Variants in TICAM1 observed in about 807,000 individuals in gnomAD.
The protein encoded by TICAM1 is TIR domain containing adaptor molecule 1.
For synonymous variants in TICAM1, 439 were observed against 415.4 expected (o/e 1.06, Z -0.69); for missense variants, 895 against 938.2 (o/e 0.95, Z 0.60).
chr19:4,831,324 G>A (rs937919818), intron 1 of TICAM1, among the ~76,000 whole-genome samples: 1 of 151,680 alleles, frequency 6.6e-6, no homozygotes, highest in African/African-American at 2.4e-5. Flanking sequence ...TGGGGTGTCC[G>A]GGAGGAATCT....
intron 1 of TICAM1, among the ~76,000 whole-genome samples, chr19:4,829,236 A>G (rs2093610318): frequency 6.6e-6 from 1 of 152,216 alleles, no homozygotes; most frequent in Non-Finnish European, 1.5e-5. Context: ...GGAGTTTTGC[A>G]GAAAACACGA....
intron 1 of TICAM1, among the ~76,000 whole-genome samples, chr19:4,819,135 G>C (rs1383105348): frequency 1.3e-5 from 2 of 151,808 alleles, no homozygotes; most frequent in Non-Finnish European, 2.9e-5. Flanking sequence ...GTAGCTGGGC[G>C]TGGTGGCACG....
In TICAM1 at chr19:4,821,192, T is replaced by C. The variant is rs528060669; in HGVS notation, c.-139-2676A>G. On this transcript the variant is annotated intron_variant, in intron 1 of 1. Transcript: ENST00000248244. ...GCCTGGATGACAGAGTGAAACTCCA[T>C]CTCAAAAAAAAAAAAAAGTAATTTT... Among the ~76,000 whole-genome samples the C allele has an allele frequency of 2.5e-4, 37 of 149,436 alleles. 1 individual carries two copies. The South Asian group carries it at 5.5e-3, about 22-fold the overall frequency.
chr19:4,824,159 C>T (rs1376982939), intron 1 of TICAM1, among the ~76,000 whole-genome samples: 1 of 152,030 alleles, frequency 6.6e-6, no homozygotes, highest in African/African-American at 2.4e-5. Flanking sequence ...CAGGCACATG[C>T]CACCACGCCC....
At position 4,816,753 on chromosome 19, in the gene TICAM1, T is replaced by C; in HGVS notation, c.1625A>G (p.Lys542Arg). ...CCGCAGGGCTCGGGTGTCCTGTTCC[T>C]TCCTCCACATGGCCTTTCGGGCCTG... ...RLQARKAMWR[K>R]EQDTRALREQ... The change falls in exon 2 of 2, where the codon AAG becomes AGG. Residue 542 changes from lysine (K) to arginine (R), a missense_variant. Transcript: ENST00000248244. This position sits in a 1 kb window ranked among gnomAD's most constrained non-coding sequence, Gnocchi z 4.3. 1 of 1,613,746 alleles carries C rather than the reference T, an allele frequency of 6.2e-7. No homozygotes were observed. Among genetic ancestry groups the C allele is most frequent in the Non-Finnish European group, 8.5e-7 (1 of 1,180,008 alleles).
chr19:4,822,329 A>G (rs565227234), intron 1 of TICAM1, among the ~76,000 whole-genome samples: 22 of 149,782 alleles, frequency 1.5e-4, no homozygotes, highest in African/African-American at 5.4e-4. Context: ...TGCAACCTCC[A>G]CCTCCCAGGT....
intron 1 of TICAM1, among the ~76,000 whole-genome samples, chr19:4,825,505 G>A (rs559415855): frequency 4.3e-4 from 65 of 151,432 alleles, no homozygotes; most frequent in South Asian, 1.9e-3. Flanking sequence ...ACAGGCGTGA[G>A]CCACCGCGGC....
chr19:4,830,674 C>A (rs1265475532), intron 1 of TICAM1, among the ~76,000 whole-genome samples: 1 of 152,186 alleles, frequency 6.6e-6, no homozygotes, highest in Non-Finnish European at 1.5e-5. Context: ...AGAAAATAAC[C>A]CAAGATCATT....
At chr19:4,822,080 C>T (rs2093598537) in intron 1 of TICAM1, among the ~76,000 whole-genome samples, 1 of 151,294 alleles carries the variant, frequency 6.6e-6, no homozygotes, top group South Asian at 2.1e-4. Flanking sequence ...AGATTACAGG[C>T]GTGCGCCACC....
At chr19:4,825,537 A>G (rs937824019) in intron 1 of TICAM1, among the ~76,000 whole-genome samples, 3 of 151,416 alleles carry the variant, frequency 2.0e-5, no homozygotes, top group Non-Finnish European at 2.9e-5. Context: ...CTAATTTTTA[A>G]TTAATTAAGG....
chr19:4,824,865 C>G (rs779258013), intron 1 of TICAM1, among the ~76,000 whole-genome samples: 12 of 151,472 alleles, frequency 7.9e-5, no homozygotes, highest in Non-Finnish European at 1.8e-4. Flanking sequence ...CCCAAGAAGT[C>G]GAGGCTGGAG....
At chr19:4,827,387 A>G (rs1009068448) in intron 1 of TICAM1, among the ~76,000 whole-genome samples, 3 of 149,258 alleles carry the variant, frequency 2.0e-5, no homozygotes, top group African/African-American at 2.5e-5. Flanking sequence ...AAAAAAAAAA[A>G]AAAAAAAAAA....
chr19:4,820,930 G>A (rs963056469), intron 1 of TICAM1, among the ~76,000 whole-genome samples: 8 of 151,546 alleles, frequency 5.3e-5, no homozygotes, highest in Middle Eastern at 3.4e-3. Context: ...GGTGGCTCAT[G>A]CTGCTAATCC....
In TICAM1 at chr19:4,818,179, C is replaced by T. The variant is rs1198375169; in HGVS notation, c.199G>A (p.Asp67Asn). ...CGGGCCACCAGCCGGGCCACCGCAT[C>T]GGCCTTCAATGCCTCTAGAGAGATC... ...ARISLEALKA[D>N]AVARLVARQW... The change falls in exon 2 of 2, where the codon GAT (aspartate) becomes AAT (asparagine). Residue 67 changes from aspartate (D) to asparagine (N), a missense_variant. Coordinates refer to ENST00000248244, the MANE Select transcript of TICAM1 (RefSeq NM_182919.4). The surrounding 1 kb of genome is among the most constrained non-coding windows in gnomAD (Gnocchi z 4.0). 7.4e-6 allele frequency: 12 copies of T among 1,610,748 alleles called. No homozygotes were observed. The African/African-American group carries it at 9.3e-5, about 13-fold the overall frequency.
intron 1 of TICAM1, among the ~76,000 whole-genome samples, chr19:4,827,282 T>C (rs575303460): frequency 1.2e-3 from 140 of 121,178 alleles, no homozygotes; most frequent in African/African-American, 4.1e-3. Flanking sequence ...ACCCGGGAGG[T>C]GGAGGTTGAA....
intron 1 of TICAM1, among the ~76,000 whole-genome samples, chr19:4,823,934 A>G (rs569066119): frequency 1.3e-5 from 2 of 152,256 alleles, no homozygotes; most frequent in South Asian, 4.1e-4. Flanking sequence ...TGTGTTGTCC[A>G]GTATGGCAGC....
rs1314836674 is a variant in TICAM1, at chr19:4,817,196, G to C, written c.1182C>G (p.Phe394Leu). The C allele has an allele frequency of 6.2e-7, 1 of 1,613,974 alleles. No individual in the cohort carries two copies. Among genetic ancestry groups the C allele is most frequent in the Non-Finnish European group, 8.5e-7 (1 of 1,180,000 alleles). The change falls in exon 2 of 2, where the codon TTC becomes TTG. Residue 394 changes from phenylalanine to leucine, a missense_variant. Transcript: ENST00000248244. This position sits in a 1 kb window ranked among gnomAD's most constrained non-coding sequence, Gnocchi z 4.7. The stretch of plus-strand genomic sequence containing the variant: ...TGGCGTGGAGGATCACAAAGTTATA[G>C]AATTTCTGTTCCGATGATGATTCCA... ...SSLESSSEQK[F>L]YNFVILHARA...
In TICAM1 at chr19:4,817,864, G is replaced by T. The variant is rs753273529; in HGVS notation, c.514C>A (p.Pro172Thr). 1 of 1,613,066 alleles carries T rather than the reference G, an allele frequency of 6.2e-7. No individual in the cohort carries two copies. Among genetic ancestry groups the T allele is most frequent in the African/African-American group, 1.3e-5 (1 of 75,040 alleles). Residue 172 changes from proline to threonine, a missense_variant, in exon 2 of 2, where the codon CCC (proline) becomes ACC (threonine). Pro to Thr is a conservative substitution (Grantham distance 38). Coordinates refer to ENST00000248244, the MANE Select transcript of TICAM1 (RefSeq NM_182919.4). This position sits in a 1 kb window ranked among gnomAD's most constrained non-coding sequence, Gnocchi z 4.7. Reference sequence around the variant, plus strand: ...CGTGGGAGGCTCCTGGTCCCAGAGGGCAAAGCCGAGGATGGTGGGAGGCAG... The same window carrying T: ...CGTGGGAGGCTCCTGGTCCCAGAGGTCAAAGCCGAGGATGGTGGGAGGCAG... ...LGCLPPSSAL[P>T]SGTRSLPRPI... is the part of the protein sequence containing the mutation.
At position 4,818,364 on chromosome 19, in the gene TICAM1, C is replaced by A. The variant is rs1164350572; in HGVS notation, c.14G>T (p.Gly5Val). Residue 5 changes from glycine (G) to valine (V), a missense_variant, in exon 2 of 2, where the codon GGC (glycine) becomes GTC (valine). By Grantham distance (109) the Gly-to-Val change is moderately radical. Transcript: ENST00000248244. The surrounding 1 kb of genome is among the most constrained non-coding windows in gnomAD (Gnocchi z 4.0). The part of the protein sequence containing the change: MACT[G>V]PSLPSAFDIL... ...GTCGAAGGCGCTAGGAAGTGATGGG[C>A]CTGTGCAGGCCATGGGCACAGGTGG... is the stretch of plus-strand genomic sequence containing the variant. The A allele has an allele frequency of 8.1e-6, 13 of 1,599,022 alleles. No homozygotes were observed. Among genetic ancestry groups the A allele is most frequent in the Non-Finnish European group, 1.1e-5 (13 of 1,172,904 alleles).
Sources: gnomAD v4.1 joint callset for allele counts (sites outside exome capture counted in the v4.1 genomes callset) on GRCh38, gnomAD v4.1.1 for gene constraint, Gnocchi (gnomAD v3.1) non-coding constraint, MANE v1.5 for transcripts, NCBI Gene and HGNC (gene_info 2026-07-23, HGNC 2026-07-21) for gene names.